DCTN1: variants seen among roughly 807,000 people sequenced by gnomAD.
The protein encoded by DCTN1 is 150 kDa dynein-associated polypeptide.
In DCTN1, 61 loss-of-function variants were observed where a neutral mutation model predicts 161.2. That is an observed-to-expected ratio of 0.38 (90% CI 0.31 to 0.47). The LOEUF (loss-of-function observed/expected upper bound fraction) is 0.47, where lower values mean the gene tolerates loss of function less well. Ranked by LOEUF, DCTN1 falls within the 20% of genes least tolerant of loss-of-function variation. DCTN1 has a pLI of 0.99. For missense variants in DCTN1, 1,404 were observed against 1,623.7 expected (o/e 0.86, Z 2.33); for synonymous variants, 653 against 632.4 (o/e 1.03, Z -0.49).
chr2:74,379,859 G>A (rs886560658), intron 1 of DCTN1, 146 bp downstream of exon 1: 5 of 817,812 alleles, frequency 6.1e-6, no homozygotes, highest in Non-Finnish European at 1.0e-5. Flanking sequence ...CACCACCAGG[G>A]CTTCGAGGGC....
At position 74,363,083 on chromosome 2, in the gene DCTN1, G is replaced by A. The variant is rs534309303; in HGVS notation, c.3440C>T (p.Ala1147Val). 1.4e-5 allele frequency: 22 copies of A among 1,613,872 alleles called. No individual in the cohort carries two copies. Among genetic ancestry groups the A allele is most frequent in the South Asian group, 4.4e-5 (4 of 91,022 alleles). Reference sequence around the variant, plus strand: ...CAGCTGGCTGGTCTTACGATACAGCGCTCCAGCTGGTAACTCACTGCCAGG... The same window carrying A: ...CAGCTGGCTGGTCTTACGATACAGCACTCCAGCTGGTAACTCACTGCCAGG... ...EGPGSELPAGALYRKTSQLLE... is the reference protein window; with the variant it reads ...EGPGSELPAGVLYRKTSQLLE... The change falls in exon 29 of 32, where the codon GCG (alanine) becomes GTG (valine). Residue 1147 changes from alanine (A) to valine (V), a missense_variant. By Grantham distance (64) the Ala-to-Val change is moderately conservative. Coordinates refer to ENST00000628224, the MANE Select transcript of DCTN1 (RefSeq NM_004082.5).
In DCTN1 at chr2:74,363,597, C is replaced by T. The variant is rs373651754; in HGVS notation, c.3211+17G>A. ...CTCCCACCAGCCTGGTAACCCCCGG[C>T]CAGAGTGGGTCTCTACCTCGCTGCT... On this transcript the variant is annotated intron_variant, in intron 27 of 31. Transcript: ENST00000628224. 6.8e-6 allele frequency: 11 copies of T among 1,613,214 alleles called. No individual in the cohort carries two copies. Among genetic ancestry groups the T allele is most frequent in the Non-Finnish European group, 8.5e-6 (10 of 1,179,742 alleles).
At chr2:74,365,301 C>G in intron 25 of DCTN1, 60 bp from the exon 26 acceptor site, 1 of 1,603,290 alleles carries the variant, frequency 6.2e-7, no homozygotes, top group South Asian at 1.1e-5. Flanking sequence ...CTTGACTATT[C>G]AGTCCTGAGA....
rs1675452943 is a variant in DCTN1 at position 74,380,247 on chromosome 2, G to A, written c.-210C>T. On this transcript the variant is annotated 5_prime_UTR_variant, in exon 1 of 32. Transcript: ENST00000628224. ...GGGGGCTGAGGAGCAAGTCCCCTCT[G>A]CTGCCTGAGGATTCCTGAACCCAGA... 1 of 640,306 alleles carries A rather than the reference G, an allele frequency of 1.6e-6. No homozygotes were observed. The highest frequency in any genetic ancestry group is 2.8e-6 in the Non-Finnish European group (1 of 352,378). 39.7% of individuals were successfully genotyped at this position (640,306 alleles called of 1,614,324 possible). A position where few individuals can be genotyped will look rare whatever the true frequency, so the allele number is the denominator to read the frequency against.
chr2:74,376,599 T>A (rs1346526790), intron 5 of DCTN1, 143 bp downstream of exon 5: 1 of 796,510 alleles, frequency 1.3e-6, no homozygotes, highest in Admixed American at 2.0e-5. Flanking sequence ...AAAGGAACTC[T>A]GAAAGCCAAG....
chr2:74,376,996 C>T (rs1196345288), intron 4 of DCTN1, among the ~76,000 whole-genome samples: 2 of 152,216 alleles, frequency 1.3e-5, no homozygotes, highest in East Asian at 3.8e-4. Flanking sequence ...AACTAGGAAG[C>T]ACTCTCTGCA....
chr2:74,362,904 G>A, intron 29 of DCTN1, 90 bp downstream of exon 29: 1 of 1,459,532 alleles, frequency 6.9e-7, no homozygotes, highest in Non-Finnish European at 9.4e-7. Flanking sequence ...AAGAGCTTCT[G>A]TGGTGGGGGA....
intron 1 of DCTN1, chr2:74,386,735 A>C (rs190762129): frequency 6.6e-6 from 1 of 152,210 alleles, no homozygotes; most frequent in African/African-American, 2.4e-5. Flanking sequence ...ATCTGCATGC[A>C]TATGTCATTA....
Position 74,365,217 on chromosome 2 carries a change from T to G in DCTN1, c.3054A>C (p.Ala1018=). 1 of 1,614,060 alleles carries G rather than the reference T, an allele frequency of 6.2e-7. No individual in the cohort carries two copies. Among genetic ancestry groups the G allele is most frequent in the Non-Finnish European group, 8.5e-7 (1 of 1,180,020 alleles). The change falls in exon 26 of 32, where the codon GCA becomes GCC. Residue 1018 remains alanine, a synonymous_variant. Transcript: ENST00000628224. Reference sequence around the variant, plus strand: ...CCAGCTGGTCGATGTCAGCCTGGAGTGCATCCATTGTCTCCTCAAACTCTC... The same window carrying G: ...CCAGCTGGTCGATGTCAGCCTGGAGGGCATCCATTGTCTCCTCAAACTCTC... ...KEKEFEETMD[A]LQADIDQLEA...
In DCTN1 at chr2:74,365,573, T is replaced by C. The variant is rs1674343649; in HGVS notation, c.2971A>G (p.Ile991Val). 1.2e-6 allele frequency: 2 copies of C among 1,614,184 alleles called. No individual in the cohort carries two copies. The highest frequency in any genetic ancestry group is 1.1e-5 in the South Asian group (1 of 91,080). Residue 991 changes from isoleucine (I) to valine (V), a missense_variant, in exon 25 of 32, where the codon ATC becomes GTC. Around this residue, in one of 9 missense-constraint regions of DCTN1, gnomAD observed 475 missense variants for 489.8 expected, o/e 0.97. Transcript: ENST00000628224. The stretch of plus-strand genomic sequence containing the variant: ...TCCAGCCGAGTCTGGACTTTCTCGA[T>C]GCGCTCATCTGCATCCTTGGCAGCA... Reference protein sequence around the residue: ...DSAAKDADERIEKVQTRLEET... With the variant: ...DSAAKDADERVEKVQTRLEET...
In DCTN1 at chr2:74,387,726, A is replaced by G. The variant is rs572191443; in HGVS notation, c.-19+4068T>C. On this transcript the variant is annotated intron_variant, in intron 1 of 27. Transcript: ENST00000409240. Reference sequence around the variant, plus strand: ...CTTAGCTCAGCCCTAAACCATGTCTATGATATTACAAGAGTCTCCCGATGT... The same window carrying G: ...CTTAGCTCAGCCCTAAACCATGTCTGTGATATTACAAGAGTCTCCCGATGT... Among the ~76,000 whole-genome samples the G allele has an allele frequency of 2.0e-5, 3 of 152,234 alleles. No homozygotes were observed. In the East Asian group the frequency reaches 5.8e-4, roughly 29 times the overall value.
At chr2:74,361,992 G>GA in intron 31 of DCTN1, 60 bp downstream of exon 31, 8 of 1,562,866 alleles carry the variant, frequency 5.1e-6, no homozygotes, top group Non-Finnish European at 7.0e-6. Context: ...TTCTGGAGGA[G>GA]AGGGGGGCCC....
chr2:74,368,332 G>C (rs1461699588), intron 16 of DCTN1: 1 of 722,144 alleles, frequency 1.4e-6, no homozygotes, highest in East Asian at 2.7e-5. Context: ...GAGGAGTCAG[G>C]ATGTGAAAAT....
upstream of DCTN1, among the ~76,000 whole-genome samples, chr2:74,383,108 T>TA (rs1675586574): frequency 1.3e-5 from 2 of 149,676 alleles, no homozygotes; most frequent in African/African-American, 5.0e-5. Flanking sequence ...ATAAATAAAA[T>TA]AAAAATAAAA....
At chr2:74,374,234 A>T in intron 6 of DCTN1, 89 bp downstream of exon 6, 78 of 1,156,646 alleles carry the variant, frequency 6.7e-5, no homozygotes, top group Non-Finnish European at 9.0e-5. Context: ...TAGACAGATG[A>T]AGTCAATCAG....
rs1444056939 is a variant in DCTN1, at chr2:74,367,796, T to C, written c.2084A>G (p.His695Arg). Residue 695 changes from histidine (H) to arginine (R), a missense_variant, in exon 18 of 32, where the codon CAT (histidine) becomes CGT (arginine). Physicochemically the swap from His to Arg is conservative, Grantham distance 29. This residue lies in a region of DCTN1 where 475 missense variants were observed against 489.8 expected (regional missense o/e 0.97). Transcript: ENST00000628224. Reference protein sequence around the residue: ...VGSLYPEMSAHERSLDFLIEL... With the variant: ...VGSLYPEMSARERSLDFLIEL... ...AATGAGGAAATCCAAGGAGCGCTCA[T>C]GGGCACTCATCTCAGGGTACAGGCT... The C allele has an allele frequency of 8.1e-6, 13 of 1,614,062 alleles. No individual in the cohort carries two copies. Among genetic ancestry groups the C allele is most frequent in the Non-Finnish European group, 1.1e-5 (13 of 1,180,040 alleles).
At chr2:74,366,140 C>T in intron 23 of DCTN1, 104 bp downstream of exon 23, 1 of 1,610,354 alleles carries the variant, frequency 6.2e-7, no homozygotes, top group Non-Finnish European at 8.5e-7. Context: ...TGGTGCTCTC[C>T]AGATGCCTTC....
chr2:74,364,722 C>T (rs966043999), intron 26 of DCTN1: 1 of 378,586 alleles, frequency 2.6e-6, no homozygotes. Flanking sequence ...GGGCTGGATG[C>T]CCCAGGAGAG....
upstream of DCTN1, among the ~76,000 whole-genome samples, chr2:74,383,108 T>A (rs1409200117): frequency 6.7e-6 from 1 of 149,674 alleles, no homozygotes; most frequent in African/African-American, 2.5e-5. Context: ...ATAAATAAAA[T>A]AAAAATAAAA....
Sources: allele counts gnomAD v4.1 joint callset (sites outside exome capture counted in the v4.1 genomes callset), GRCh38; gene constraint gnomAD v4.1.1; regional missense constraint gnomAD v4.1.1; transcripts MANE v1.5; gene names NCBI Gene and HGNC (gene_info 2026-07-23, HGNC 2026-07-21).